HECW2: variants seen among roughly 807,000 people sequenced by gnomAD.
HECW2 encodes the protein HECT, C2 and WW domain containing E3 ubiquitin protein ligase 2.
A neutral mutation model predicts 175.2 loss-of-function variants in HECW2; 61 were observed. That is an observed-to-expected ratio of 0.35 (90% CI 0.28 to 0.43). The LOEUF (loss-of-function observed/expected upper bound fraction) is 0.43. Among genes scored for constraint, HECW2 ranks in the 20% least tolerant of loss-of-function variants. The pLI is 1.00. For synonymous variants in HECW2, 671 were observed against 731.0 expected, an observed-to-expected ratio of 0.92 and a Z score of 1.32; for missense variants, 1,524 against 2,000.5, an observed-to-expected ratio of 0.76 and a Z score of 4.54.
At chr2:196,517,890 T>C (rs1304927328) in intron 1 of HECW2, among the ~76,000 whole-genome samples, 3 of 152,208 alleles carry the variant, frequency 2.0e-5, no homozygotes, top group African/African-American at 7.2e-5. Context: ...TAAAAAGGCT[T>C]GGGGTTCATA....
chr2:196,531,501 C>A (rs1688838544), intron 1 of HECW2, among the ~76,000 whole-genome samples: 1 of 151,768 alleles, frequency 6.6e-6, no homozygotes, highest in South Asian at 2.1e-4. Context: ...AATAAAAATA[C>A]AATACAAAAA....
At chr2:196,337,631 T>C (rs1421944418) in intron 3 of HECW2, among the ~76,000 whole-genome samples, 6 of 151,578 alleles carry the variant, frequency 4.0e-5, no homozygotes, top group Non-Finnish European at 8.8e-5. Flanking sequence ...TGCATATACT[T>C]ATATGTATCC....
chr2:196,326,590 C>T (rs182827961), intron 5 of HECW2, among the ~76,000 whole-genome samples: 46 of 151,764 alleles, frequency 3.0e-4, no homozygotes, highest in African/African-American at 8.9e-4. Flanking sequence ...ATTACAGGCA[C>T]GTACCACCAC....
chr2:196,472,635 T>C (rs1697257846), intron 1 of HECW2, among the ~76,000 whole-genome samples: 1 of 152,216 alleles, frequency 6.6e-6, no homozygotes, highest in South Asian at 2.1e-4. Context: ...TTTTCTTTTT[T>C]TTTGAGATGG....
chr2:196,408,865 C>T (rs1695032670), intron 2 of HECW2, among the ~76,000 whole-genome samples: 1 of 152,140 alleles, frequency 6.6e-6, no homozygotes, highest in South Asian at 2.1e-4. Context: ...TCTCTTAATT[C>T]CATTAATTTA....
intron 1 of HECW2, among the ~76,000 whole-genome samples, chr2:196,452,786 CA>C (rs1199649453): frequency 6.9e-6 from 1 of 145,762 alleles, no homozygotes; most frequent in East Asian, 2.0e-4. Context: ...TGACTGACCC[CA>C]AAGCACTAAA....
At chr2:196,247,195 G>A (rs759047817) in intron 19 of HECW2, among the ~76,000 whole-genome samples, 3 of 152,118 alleles carry the variant, frequency 2.0e-5, no homozygotes, top group East Asian at 1.9e-4. Flanking sequence ...AGGTTGCAGC[G>A]AGCCGACATC....
chr2:196,569,718 A>T (rs183722295), intron 1 of HECW2, among the ~76,000 whole-genome samples: 247 of 152,386 alleles, frequency 1.6e-3, no homozygotes, highest in African/African-American at 5.8e-3. Flanking sequence ...ATAAATTATA[A>T]TGAACACACT....
At chr2:196,463,396 T>A (rs1398687917) in intron 1 of HECW2, among the ~76,000 whole-genome samples, 1 of 127,460 alleles carries the variant, frequency 7.8e-6, no homozygotes, top group Non-Finnish European at 1.6e-5. Context: ...ACCACCACCC[T>A]CTACCCTGCA....
chr2:196,498,967 G>C (rs188145473), intron 1 of HECW2, among the ~76,000 whole-genome samples: 1 of 152,166 alleles, frequency 6.6e-6, no homozygotes, highest in Admixed American at 6.5e-5. Flanking sequence ...AGCACAAGAA[G>C]ACAGTTTCAA....
chr2:196,266,007 T>C (rs1689498735), intron 17 of HECW2, among the ~76,000 whole-genome samples: 1 of 152,066 alleles, frequency 6.6e-6, no homozygotes, highest in South Asian at 2.1e-4. Context: ...GACTTCCCAA[T>C]GACCATTACT....
chr2:196,374,040 TA>T (rs1559074059), intron 2 of HECW2, among the ~76,000 whole-genome samples: 39 of 146,078 alleles, frequency 2.7e-4, no homozygotes, highest in African/African-American at 9.6e-4. Context: ...TCAAAAAAAA[TA>T]AAATAAAATA....
At chr2:196,232,505 T>C (rs1433164089) in intron 21 of HECW2, among the ~76,000 whole-genome samples, 1 of 152,178 alleles carries the variant, frequency 6.6e-6, no homozygotes, top group Non-Finnish European at 1.5e-5. Flanking sequence ...TAAAGAAAAA[T>C]CAACATTGCT....
At chr2:196,580,669 A>G (rs1436936316) in intron 1 of HECW2, among the ~76,000 whole-genome samples, 1 of 151,860 alleles carries the variant, frequency 6.6e-6, no homozygotes, top group African/African-American at 2.4e-5. Flanking sequence ...AAAAAAAAAA[A>G]AGTGGGAAAG....
At chr2:196,224,200 C>T (rs1687769254) in intron 23 of HECW2, among the ~76,000 whole-genome samples, 1 of 152,074 alleles carries the variant, frequency 6.6e-6, no homozygotes, top group South Asian at 2.1e-4. Context: ...AGAATAGTGG[C>T]ACTATTAACT....
At chr2:196,507,671 C>T (rs923959445) in intron 1 of HECW2, among the ~76,000 whole-genome samples, 1 of 152,206 alleles carries the variant, frequency 6.6e-6, no homozygotes, top group Non-Finnish European at 1.5e-5. Context: ...CCCACTGCAA[C>T]CCTATCACTG....
At chr2:196,459,566 T>C (rs961313705) in intron 1 of HECW2, among the ~76,000 whole-genome samples, 2 of 151,988 alleles carry the variant, frequency 1.3e-5, no homozygotes, top group African/African-American at 4.8e-5. Flanking sequence ...ACGTGCCTCA[T>C]GATGTCCCCT....
At chr2:196,243,142 G>C (rs562081674) in intron 19 of HECW2, among the ~76,000 whole-genome samples, 1 of 150,496 alleles carries the variant, frequency 6.6e-6, no homozygotes, top group Admixed American at 6.6e-5. Flanking sequence ...CTTGCACAAA[G>C]AATAAATAAT....
At chr2:196,545,785 G>T (rs1457023426) in intron 1 of HECW2, among the ~76,000 whole-genome samples, 1 of 152,134 alleles carries the variant, frequency 6.6e-6, no homozygotes. Context: ...GTTCTTAAGA[G>T]GATGCATCAC....
Sources: allele counts gnomAD v4.1 joint callset (sites outside exome capture counted in the v4.1 genomes callset), GRCh38; gene constraint gnomAD v4.1.1; transcripts MANE v1.5; gene names NCBI Gene and HGNC (gene_info 2026-07-23, HGNC 2026-07-21).